The following RBFOX1 variants were observed in gnomAD, a reference collection of about 807,000 sequenced individuals.
RBFOX1 encodes RNA binding protein fox-1 homolog 1.
Under a neutral mutation model 57.7 loss-of-function variants are expected in RBFOX1, and 8 were observed. That is an observed-to-expected ratio of 0.14 (90% CI 0.08 to 0.25). The LOEUF (loss-of-function observed/expected upper bound fraction) is 0.25, where lower values mean the gene tolerates loss of function less well. RBFOX1 is among the 10% of genes least tolerant of loss of function. The pLI, the probability that RBFOX1 is intolerant of heterozygous loss-of-function variation, is 1.00. For synonymous variants in RBFOX1, 326 were observed against 222.4 expected (o/e 1.47, Z -4.15); for missense variants, 611 against 548.5 (o/e 1.11, Z -1.14).
At chr16:7,215,042 G>T (rs1429072428) in intron 4 of RBFOX1, among the ~76,000 whole-genome samples, 1 of 152,076 alleles carries the variant, frequency 6.6e-6, no homozygotes, top group Non-Finnish European at 1.5e-5. Flanking sequence ...TTGTCCTAAT[G>T]CTCTCCCTCT....
chr16:7,349,723 A>C lies in RBFOX1; in HGVS notation c.28-168424A>C, dbSNP rs184214470. Among the ~76,000 whole-genome samples, 4 of 152,290 alleles carry C rather than the reference A, an allele frequency of 2.6e-5. No individual in the cohort carries two copies. In the East Asian group the frequency reaches 7.7e-4, roughly 29 times the overall value. On this transcript the variant is annotated intron_variant, in intron 4 of 15. Transcript: ENST00000550418. Reference sequence around the variant, plus strand: ...CACCGATTTAGTAAATATTTATTCAACATTCAGTGTGTGCTAGACAATACA... The same window carrying C: ...CACCGATTTAGTAAATATTTATTCACCATTCAGTGTGTGCTAGACAATACA...
At chr16:7,459,165 A>C (rs1403666585) in intron 4 of RBFOX1, among the ~76,000 whole-genome samples, 1 of 152,004 alleles carries the variant, frequency 6.6e-6, no homozygotes, top group Non-Finnish European at 1.5e-5. Flanking sequence ...GTATGGACTG[A>C]ATAGGTGGGT....
chr16:5,651,040 CTTTTTTTTTTTTTTTTT>C (rs869240597), intron 3 of RBFOX1, among the ~76,000 whole-genome samples: 4 of 56,854 alleles, frequency 7.0e-5, no homozygotes, highest in Non-Finnish European at 8.9e-5. Flanking sequence ...CTACCTCCTT[CTTTTTTTTTTTTTTTTT>C]TTTTTTTTTT....
At chr16:5,403,945 G>A (rs1238624163) in intron 1 of RBFOX1, among the ~76,000 whole-genome samples, 1 of 151,970 alleles carries the variant, frequency 6.6e-6, no homozygotes, top group Non-Finnish European at 1.5e-5. Flanking sequence ...AGACACCTCT[G>A]GGGAGGGACA....
At chr16:6,667,068 C>A (rs886610110) in intron 3 of RBFOX1, among the ~76,000 whole-genome samples, 1 of 152,144 alleles carries the variant, frequency 6.6e-6, no homozygotes, top group African/African-American at 2.4e-5. Context: ...GTTAGTCGTA[C>A]TTTCCTCTTT....
At chr16:6,280,576 C>T (rs1423551727) in intron 1 of RBFOX1, among the ~76,000 whole-genome samples, 2 of 152,092 alleles carry the variant, frequency 1.3e-5, no homozygotes, top group Admixed American at 6.6e-5. Flanking sequence ...AGCACACAGG[C>T]ACTTAGACAA....
At chr16:5,513,485 C>G (rs752428247) in intron 2 of RBFOX1, among the ~76,000 whole-genome samples, 1 of 152,188 alleles carries the variant, frequency 6.6e-6, no homozygotes, top group Non-Finnish European at 1.5e-5. Context: ...TTGCTCTTCA[C>G]ACACCACACC....
intron 2 of RBFOX1, among the ~76,000 whole-genome samples, chr16:6,594,823 C>T (rs2097760976): frequency 6.6e-6 from 1 of 152,228 alleles, no homozygotes; most frequent in African/African-American, 2.4e-5. Flanking sequence ...GAGTCTCATT[C>T]CGTCGCCCAG....
chr16:7,503,086 A>G (rs934759356), intron 4 of RBFOX1, among the ~76,000 whole-genome samples: 3 of 152,132 alleles, frequency 2.0e-5, no homozygotes, highest in Non-Finnish European at 4.4e-5. Flanking sequence ...CACTCCTTGC[A>G]CTACTTTTTA....
chr16:5,880,364 G>T (rs1341182533), intron 4 of RBFOX1, among the ~76,000 whole-genome samples: 2 of 152,162 alleles, frequency 1.3e-5, no homozygotes, highest in Non-Finnish European at 1.5e-5. Context: ...AAGAGCTACA[G>T]GCAACACTTA....
At chr16:6,666,500 A>G (rs2098733657) in intron 3 of RBFOX1, among the ~76,000 whole-genome samples, 1 of 145,684 alleles carries the variant, frequency 6.9e-6, no homozygotes, top group Non-Finnish European at 1.5e-5. Flanking sequence ...AGATCACACC[A>G]CTGCACTCCA....
chr16:7,418,480 G>A (rs959705726), intron 4 of RBFOX1, among the ~76,000 whole-genome samples: 2 of 152,150 alleles, frequency 1.3e-5, no homozygotes, highest in African/African-American at 4.8e-5. Flanking sequence ...TGGAGATTAC[G>A]CATTCTGTGT....
At chr16:7,254,633 T>C (rs1177198739) in intron 4 of RBFOX1, among the ~76,000 whole-genome samples, 4 of 152,176 alleles carry the variant, frequency 2.6e-5, no homozygotes, top group Non-Finnish European at 5.9e-5. Context: ...GGAAAAATTT[T>C]TCTTTTCAAT....
chr16:6,462,596 T>C (rs961980547), intron 2 of RBFOX1, among the ~76,000 whole-genome samples: 4 of 152,174 alleles, frequency 2.6e-5, no homozygotes, highest in Non-Finnish European at 4.4e-5. Context: ...CACGTATTTC[T>C]TTCATTTTGG....
intron 4 of RBFOX1, among the ~76,000 whole-genome samples, chr16:7,231,977 TA>T (rs1349654803): frequency 1.3e-5 from 2 of 152,094 alleles, no homozygotes; most frequent in Non-Finnish European, 2.9e-5. Flanking sequence ...TGGAACTAGA[TA>T]GGGGTGGTGG....
chr16:5,486,211 G>A (rs955623306), intron 2 of RBFOX1, among the ~76,000 whole-genome samples: 4 of 152,170 alleles, frequency 2.6e-5, no homozygotes, highest in Admixed American at 1.3e-4. Flanking sequence ...CTTGACTGCA[G>A]TATTGTCAAA....
In RBFOX1 at chr16:5,291,552, C is replaced by T. The variant is rs555560226; in HGVS notation, c.219+51447C>T. ...GTGCTGGGATTACAGGCATGTGTCA[C>T]GCGCCTGGCCGAGCTTTTATCATTG... is the stretch of plus-strand genomic sequence containing the variant. On this transcript the variant is annotated intron_variant, in intron 1 of 2. Coordinates refer to the RBFOX1 transcript ENST00000585867. Among the ~76,000 whole-genome samples, 14 of 144,032 alleles carry T rather than the reference C, an allele frequency of 9.7e-5. No individual in the cohort carries two copies. The South Asian group carries it at 3.2e-3, about 33-fold the overall frequency. The allele number at this position is 144,032 out of a possible 152,430, so 94.5% of individuals were successfully genotyped here.
chr16:7,057,726 T>A (rs2015669), intron 4 of RBFOX1, among the ~76,000 whole-genome samples: 1 of 151,950 alleles, frequency 6.6e-6, no homozygotes, highest in Non-Finnish European at 1.5e-5. Flanking sequence ...ACACCATAGA[T>A]GCCGGGTGCA....
chr16:7,515,275 T>A (rs1231032190), intron 4 of RBFOX1, among the ~76,000 whole-genome samples: 1 of 137,676 alleles, frequency 7.3e-6, no homozygotes, highest in South Asian at 2.4e-4. Context: ...TTTTTTTTTT[T>A]AATTAGTCAA....
Sources: allele counts gnomAD v4.1 joint callset (sites outside exome capture counted in the v4.1 genomes callset), GRCh38; gene constraint gnomAD v4.1.1; transcripts MANE v1.5; gene names NCBI Gene and HGNC (gene_info 2026-07-23, HGNC 2026-07-21).